The following SGCZ variants were observed in gnomAD, a reference collection of about 807,000 sequenced individuals.
SGCZ encodes the protein sarcoglycan zeta, also known as zeta-sarcoglycan.
SGCZ carries 40 observed loss-of-function variants against 41.3 expected under a neutral mutation model. That is an observed-to-expected ratio of 0.97 (90% CI 0.75 to 1.26). The LOEUF (loss-of-function observed/expected upper bound fraction) is 1.26. SGCZ is among the 50% of genes most tolerant of loss of function. The pLI is 0.00. For synonymous variants in SGCZ, 206 were observed against 137.5 expected (o/e 1.50, Z -3.49); for missense variants, 552 against 369.8 (o/e 1.49, Z -4.04).
intron 1 of SGCZ, among the ~76,000 whole-genome samples, chr8:15,218,165 T>C (rs1463230069): frequency 6.6e-6 from 1 of 152,202 alleles, no homozygotes; most frequent in Non-Finnish European, 1.5e-5. Context: ...TTATTTTTAG[T>C]GGGTAACTTT....
chr8:15,015,791 G>A (rs953481881), intron 1 of SGCZ, among the ~76,000 whole-genome samples: 2 of 143,822 alleles, frequency 1.4e-5, no homozygotes, highest in African/African-American at 2.5e-5. Context: ...ATAAGAAATA[G>A]CTTGGTTCTG....
At chr8:14,268,490 A>G (rs189326833) in intron 3 of SGCZ, among the ~76,000 whole-genome samples, 3 of 151,890 alleles carry the variant, frequency 2.0e-5, no homozygotes, top group African/African-American at 7.2e-5. Context: ...CTATAACACA[A>G]TTGGAAGTTA....
intron 1 of SGCZ, among the ~76,000 whole-genome samples, chr8:15,102,987 T>G (rs920070277): frequency 6.6e-6 from 1 of 152,188 alleles, no homozygotes; most frequent in African/African-American, 2.4e-5. Flanking sequence ...AGGACATAAA[T>G]GTAATTATTA....
intron 5 of SGCZ, among the ~76,000 whole-genome samples, chr8:14,140,169 T>C (rs1018999270): frequency 6.6e-6 from 1 of 152,180 alleles, no homozygotes; most frequent in African/African-American, 2.4e-5. Context: ...ATGGAACGTA[T>C]CTCAAAATAA....
At chr8:14,373,738 A>G (rs2117169110) in intron 2 of SGCZ, among the ~76,000 whole-genome samples, 1 of 152,290 alleles carries the variant, frequency 6.6e-6, no homozygotes, top group Non-Finnish European at 1.5e-5. Context: ...ATAAAGAAAG[A>G]TTGAGATGAG....
At chr8:14,735,168 T>C (rs1361082082) in intron 1 of SGCZ, among the ~76,000 whole-genome samples, 1 of 152,212 alleles carries the variant, frequency 6.6e-6, no homozygotes, top group Non-Finnish European at 1.5e-5. Context: ...GCACATTACT[T>C]GACCCAAATT....
chr8:14,769,807 A>AAAAAC lies in SGCZ; in HGVS notation c.40-214882_40-214881insGTTTT, dbSNP rs1283493877. ...CAAAACACCATTAAAAAAAAAAAAA[A>AAAAAC]AAAAAAAACCCAGCAACAAAATACT... On this transcript the variant is annotated intron_variant, in intron 1 of 7. Transcript: ENST00000382080. Among the ~76,000 whole-genome samples, 126 of 150,004 alleles carry AAAAAC rather than the reference A, an allele frequency of 8.4e-4. 2 individuals are homozygous for AAAAAC. Among genetic ancestry groups the AAAAAC allele is most frequent in the African/African-American group, 3.1e-3 (125 of 40,782 alleles).
intron 1 of SGCZ, among the ~76,000 whole-genome samples, chr8:14,575,075 C>G (rs896122306): frequency 6.6e-6 from 1 of 152,100 alleles, no homozygotes; most frequent in Non-Finnish European, 1.5e-5. Flanking sequence ...ACTTTTCTAA[C>G]TTTGAATTAG....
intron 1 of SGCZ, among the ~76,000 whole-genome samples, chr8:14,838,528 A>G (rs974277280): frequency 6.6e-6 from 1 of 152,234 alleles, no homozygotes; most frequent in South Asian, 2.1e-4. Flanking sequence ...CAGCACCCCA[A>G]TAGTGTAGAA....
At chr8:14,766,727 A>ATTTTTTTTTTTTTTTTTT (rs33955290) in intron 1 of SGCZ, among the ~76,000 whole-genome samples, 3 of 92,804 alleles carry the variant, frequency 3.2e-5, no homozygotes, top group Non-Finnish European at 4.0e-5. Context: ...ATGTCCAGCT[A>ATTTTTTTTTTTTTTTTTT]TTTTTTTTTT....
intron 1 of SGCZ, among the ~76,000 whole-genome samples, chr8:14,794,502 A>G (rs1340835508): frequency 6.6e-6 from 1 of 152,204 alleles, no homozygotes; most frequent in East Asian, 1.9e-4. Flanking sequence ...CCCAGAATGT[A>G]CAACAAATAT....
chr8:14,853,245 A>G (rs1803405554), intron 1 of SGCZ, among the ~76,000 whole-genome samples: 1 of 152,190 alleles, frequency 6.6e-6, no homozygotes, highest in Admixed American at 6.6e-5. Context: ...AGAGGAGGTA[A>G]TGATCAAAAT....
At chr8:15,099,258 C>A (rs1280589627) in intron 1 of SGCZ, among the ~76,000 whole-genome samples, 2 of 151,962 alleles carry the variant, frequency 1.3e-5, no homozygotes, top group Non-Finnish European at 2.9e-5. Context: ...ATAGAGCAAC[C>A]AAATATATAT....
At chr8:15,059,646 T>C (rs1585521339) in intron 1 of SGCZ, among the ~76,000 whole-genome samples, 1 of 152,344 alleles carries the variant, frequency 6.6e-6, no homozygotes, top group South Asian at 2.1e-4. Flanking sequence ...ACTGTCTTCC[T>C]AAATTAATGA....
At position 14,854,428 on chromosome 8, in the gene SGCZ, AAAGAT is replaced by A. The variant is rs373993498; in HGVS notation, c.40-299507_40-299503del. Among the ~76,000 whole-genome samples, 613 of 152,266 alleles carry A rather than the reference AAAGAT, an allele frequency of 4.0e-3. 4 individuals carry two copies. Among genetic ancestry groups the A allele is most frequent in the South Asian group, 0.018 (87 of 4,824 alleles). On this transcript the variant is annotated intron_variant, in intron 1 of 7. Coordinates refer to ENST00000382080, the MANE Select transcript of SGCZ (RefSeq NM_139167.4). ...CCACAACATATCTAAAGCAGAAAGAAAAGATAAAAATATACACATTTATTTTTACA... is the reference window on the plus strand; with the variant it reads ...CCACAACATATCTAAAGCAGAAAGAAAAAAATATACACATTTATTTTTACA...
chr8:14,382,990 A>G (rs73664338), intron 2 of SGCZ, among the ~76,000 whole-genome samples: 3,801 of 152,212 alleles, frequency 0.025, 127 homozygotes, highest in African/African-American at 0.077. Context: ...GAGAGAAAAC[A>G]TATGTGGAAG....
intron 1 of SGCZ, among the ~76,000 whole-genome samples, chr8:15,004,778 A>G (rs1802541656): frequency 1.3e-5 from 2 of 152,146 alleles, no homozygotes; most frequent in Admixed American, 1.3e-4. Flanking sequence ...GAGGTGGAAA[A>G]CTAGTAAATT....
intron 1 of SGCZ, among the ~76,000 whole-genome samples, chr8:15,021,105 A>C (rs1803232696): frequency 6.6e-6 from 1 of 152,220 alleles, no homozygotes; most frequent in Non-Finnish European, 1.5e-5. Context: ...AAATGCCCCA[A>C]CAAGAGAGAC....
chr8:15,062,299 A>T (rs1563477996), intron 1 of SGCZ, among the ~76,000 whole-genome samples: 1 of 152,190 alleles, frequency 6.6e-6, no homozygotes, highest in African/African-American at 2.4e-5. Flanking sequence ...ACTTAAGCTT[A>T]TAAATAAAAC....
Sources: gnomAD v4.1 joint callset for allele counts (sites outside exome capture counted in the v4.1 genomes callset) on GRCh38, gnomAD v4.1.1 for gene constraint, MANE v1.5 for transcripts, NCBI Gene and HGNC (gene_info 2026-07-23, HGNC 2026-07-21) for gene names.